Variants in CD99L2 observed in about 807,000 individuals in gnomAD.
The protein encoded by CD99L2 is CD99 molecule like 2.
A neutral mutation model predicts 27.3 loss-of-function variants in CD99L2; 24 were observed. The observed-to-expected ratio is 0.88, with a 90% CI of 0.64 to 1.24. CD99L2 has a LOEUF of 1.24. CD99L2 is among the 50% of genes most tolerant of loss of function. The pLI, the probability that CD99L2 is intolerant of heterozygous loss-of-function variation, is 0.00. For missense variants in CD99L2, 255 were observed against 221.6 expected, an observed-to-expected ratio of 1.15 and a Z score of -0.96; for synonymous variants, 97 against 87.9, an observed-to-expected ratio of 1.10 and a Z score of -0.58.
chrX:150,773,864 T>C (rs2043504623), intron 9 of CD99L2, among the ~76,000 whole-genome samples: 1 of 112,392 alleles, frequency 8.9e-6, no homozygotes, highest in Admixed American at 9.4e-5. Flanking sequence ...ACCTCACCAG[T>C]GAGACCTTTT....
In CD99L2 at chrX:150,898,609, C is replaced by A; in HGVS notation, c.-21G>T. On this transcript the variant is annotated 5_prime_UTR_variant, in exon 1 of 11. Transcript: ENST00000370377. Reference sequence around the variant, plus strand: ...ACCATGGCTGGGAGCAGGCGGAGGGCCCCGGAGGAGCACAGTTAGCGCGAG... The same window carrying A: ...ACCATGGCTGGGAGCAGGCGGAGGGACCCGGAGGAGCACAGTTAGCGCGAG... The A allele has an allele frequency of 9.2e-7, 1 of 1,092,206 alleles. No individual in the cohort carries two copies. Among genetic ancestry groups the A allele is most frequent in the Non-Finnish European group, 1.2e-6 (1 of 840,488 alleles). 90.0% of individuals were successfully genotyped at this position (1,092,206 alleles called of 1,213,427 possible).
chrX:150,781,675 G>A (rs2045513483), intron 7 of CD99L2, among the ~76,000 whole-genome samples: 1 of 112,015 alleles, frequency 8.9e-6, no homozygotes, highest in African/African-American at 3.3e-5. Context: ...TGTATGGACT[G>A]CCATAACTCT....
intron 1 of CD99L2, among the ~76,000 whole-genome samples, chrX:150,849,206 A>G (rs1835071942): frequency 9.0e-6 from 1 of 111,566 alleles, no homozygotes; most frequent in South Asian, 3.8e-4. Flanking sequence ...AGCCGTTGGC[A>G]CTTCTGTGGT....
intron 1 of CD99L2, among the ~76,000 whole-genome samples, chrX:150,842,612 G>A (rs1557421380): frequency 8.9e-6 from 1 of 111,997 alleles, no homozygotes; most frequent in African/African-American, 3.3e-5. Flanking sequence ...AGTTCATCCT[G>A]AAAGTACAGC....
chrX:150,802,802 C>T (rs1339161571), intron 4 of CD99L2, among the ~76,000 whole-genome samples: 2 of 99,710 alleles, frequency 2.0e-5, no homozygotes, highest in East Asian at 3.3e-4. Context: ...AGGATGGTGT[C>T]GATCTCCTGA....
intron 2 of CD99L2, among the ~76,000 whole-genome samples, chrX:150,820,193 C>G (rs2046224022): frequency 9.3e-6 from 1 of 107,809 alleles, no homozygotes; most frequent in African/African-American, 3.4e-5. Flanking sequence ...GGGTTTATCT[C>G]AGGAATGTAA....
At chrX:150,872,696 A>G (rs1437562597) in intron 1 of CD99L2, among the ~76,000 whole-genome samples, 1 of 110,221 alleles carries the variant, frequency 9.1e-6, no homozygotes, top group Non-Finnish European at 1.9e-5. Context: ...TGAAGAACAC[A>G]AAAGAAGACT....
At chrX:150,868,566 C>T (rs1557422111) in intron 1 of CD99L2, among the ~76,000 whole-genome samples, 1 of 112,076 alleles carries the variant, frequency 8.9e-6, no homozygotes, top group Non-Finnish European at 1.9e-5. Flanking sequence ...TGTAGTCATC[C>T]TAATAGTATA....
At chrX:150,797,938 G>C (rs1363193918) in intron 4 of CD99L2, among the ~76,000 whole-genome samples, 3 of 104,548 alleles carry the variant, frequency 2.9e-5, no homozygotes, top group South Asian at 4.5e-4. Flanking sequence ...CCAGCTACTT[G>C]AGAGGCTGAG....
intron 1 of CD99L2, among the ~76,000 whole-genome samples, chrX:150,835,871 A>T (rs782608726): frequency 3.6e-5 from 4 of 111,801 alleles, no homozygotes; most frequent in Admixed American, 1.9e-4. Context: ...TGGAGCCCAC[A>T]GCTCCACTGA....
At chrX:150,779,044 A>T (rs1557419380) in intron 7 of CD99L2, among the ~76,000 whole-genome samples, 1 of 111,513 alleles carries the variant, frequency 9.0e-6, no homozygotes, top group Non-Finnish European at 1.9e-5. Flanking sequence ...GACTCTGAGT[A>T]ATTCAACCTA....
chrX:150,893,952 C>T (rs2047562173), intron 1 of CD99L2, among the ~76,000 whole-genome samples: 1 of 111,567 alleles, frequency 9.0e-6, no homozygotes, highest in Admixed American at 9.5e-5. Context: ...CTGACCTCAG[C>T]TGATCCACCC....
chrX:150,862,972 C>A (rs1438971419), intron 1 of CD99L2, among the ~76,000 whole-genome samples: 1 of 112,607 alleles, frequency 8.9e-6, no homozygotes, highest in Non-Finnish European at 1.9e-5. Flanking sequence ...GGAATTCATT[C>A]TATATCCTGT....
At chrX:150,806,307 G>A (rs1366079091) in intron 4 of CD99L2, among the ~76,000 whole-genome samples, 2 of 112,125 alleles carry the variant, frequency 1.8e-5, no homozygotes, top group African/African-American at 3.2e-5. Context: ...CCAGGCTGCA[G>A]TGCAGTGGCA....
chrX:150,795,473 A>G lies in CD99L2; in HGVS notation c.291T>C (p.His97=). Residue 97 remains histidine, a synonymous_variant, in exon 5 of 11, where the codon CAT becomes CAC. Transcript: ENST00000370377. Reference sequence around the variant, plus strand: ...CTGGCCTCTTGGTCGTGGTGGTTACATGGTTCCATCTCTCTAAAAGGGGAA... The same window carrying G: ...CTGGCCTCTTGGTCGTGGTGGTTACGTGGTTCCATCTCTCTAAAAGGGGAA... ...PGIGGRERWN[H]VTTTTKRPVT... 1 of 1,211,006 alleles carries G rather than the reference A, an allele frequency of 8.3e-7. No homozygotes were observed. Among genetic ancestry groups the G allele is most frequent in the Non-Finnish European group, 1.1e-6 (1 of 895,310 alleles).
intron 4 of CD99L2, among the ~76,000 whole-genome samples, chrX:150,813,060 G>T (rs1312816822): frequency 9.0e-6 from 1 of 111,320 alleles, no homozygotes; most frequent in Non-Finnish European, 1.9e-5. Context: ...GGTTGCCAGG[G>T]GTTAGGAAAG....
intron 7 of CD99L2, among the ~76,000 whole-genome samples, chrX:150,785,754 T>G (rs1557419544): frequency 8.9e-6 from 1 of 112,125 alleles, no homozygotes; most frequent in Non-Finnish European, 1.9e-5. Flanking sequence ...ATACGTACTC[T>G]TTTTTCATTA....
chrX:150,883,002 C>T (rs1258438416), intron 1 of CD99L2, among the ~76,000 whole-genome samples: 1 of 111,066 alleles, frequency 9.0e-6, no homozygotes, highest in East Asian at 2.8e-4. Flanking sequence ...CGAAACCCGT[C>T]CCTACTAAAA....
At chrX:150,819,770 C>G (rs1160176051) in intron 2 of CD99L2, among the ~76,000 whole-genome samples, 1 of 111,449 alleles carries the variant, frequency 9.0e-6, no homozygotes, top group East Asian at 2.8e-4. Context: ...CAGATAACTT[C>G]CTATTAAAAC....
Sources: allele counts gnomAD v4.1 joint callset (sites outside exome capture counted in the v4.1 genomes callset), GRCh38; gene constraint gnomAD v4.1.1; transcripts MANE v1.5; gene names NCBI Gene and HGNC (gene_info 2026-07-23, HGNC 2026-07-21).